The following TAS2R1 variants were observed in gnomAD, a reference collection of about 807,000 sequenced individuals.
TAS2R1 encodes the protein taste receptor type 2 member 1.
For synonymous variants in TAS2R1, 141 were observed against 134.2 expected, an observed-to-expected ratio of 1.05 and a Z score of -0.35; for missense variants, 370 against 353.4, an observed-to-expected ratio of 1.05 and a Z score of -0.38.
chr5:9,740,741 C>A, the TAS2R1 span, among the ~76,000 whole-genome samples: 1 of 152,198 alleles, frequency 6.6e-6, no homozygotes, highest in Non-Finnish European at 1.5e-5. Context: ...CCTGTCAAAA[C>A]CTTTGAGCAG....
chr5:9,705,318 A>G (rs1312116304), intron 1 of TAS2R1, among the ~76,000 whole-genome samples: 2 of 152,220 alleles, frequency 1.3e-5, no homozygotes, highest in Non-Finnish European at 1.5e-5. Flanking sequence ...TAATTTTTAT[A>G]CTATGCTCCT....
chr5:9,667,623 C>T (rs1464081712), intron 1 of TAS2R1, among the ~76,000 whole-genome samples: 1 of 152,128 alleles, frequency 6.6e-6, no homozygotes, highest in Admixed American at 6.6e-5. Flanking sequence ...GCAGAACACC[C>T]AACAAAAGAA....
the TAS2R1 span, among the ~76,000 whole-genome samples, chr5:9,744,626 G>C: frequency 2.4e-4 from 37 of 152,252 alleles, 1 homozygote; most frequent in Middle Eastern, 3.4e-3. Flanking sequence ...GATCTTTGAG[G>C]AAACAGAGTG....
chr5:9,684,003 A>ACCAGGTC (rs58011262), intron 1 of TAS2R1, among the ~76,000 whole-genome samples: 5,178 of 152,254 alleles, frequency 0.034, 87 homozygotes, highest in East Asian at 0.081. Flanking sequence ...ATAGGAGAAG[A>ACCAGGTC]CCAGGTCTGG....
chr5:9,680,254 T>C lies in TAS2R1; in HGVS notation c.-241-20673A>G, dbSNP rs76864894. 7.1e-3 allele frequency among the ~76,000 whole-genome samples: 1,083 copies of C among 152,266 alleles called. 10 individuals carry two copies. The highest frequency in any genetic ancestry group is 0.024 in the African/African-American group (1,012 of 41,558). On this transcript the variant is annotated intron_variant, in intron 1 of 2. Coordinates refer to the TAS2R1 transcript ENST00000506620. ...AGGCCGAAGAGGTGTAAATAAGTGA[T>C]TAGTAATTACATACATTTATAAATG...
chr5:9,732,806 G>T, the TAS2R1 span, among the ~76,000 whole-genome samples: 3 of 152,168 alleles, frequency 2.0e-5, no homozygotes, highest in Non-Finnish European at 4.4e-5. Context: ...TTTATTTTAA[G>T]GAAGTAGCTC....
At chr5:9,840,857 ATTTTTTTTTTTTTTTTTTTTTTTTT>A in the TAS2R1 span, among the ~76,000 whole-genome samples, 16 of 132,104 alleles carry the variant, frequency 1.2e-4, no homozygotes, top group East Asian at 1.5e-3. Context: ...TTATTTATTT[ATTTTTTTTTTTTTTTTTTTTTTTTT>A]TTTTTTTTTT....
At chr5:9,729,434 T>C in the TAS2R1 span, among the ~76,000 whole-genome samples, 1 of 152,200 alleles carries the variant, frequency 6.6e-6, no homozygotes, top group Non-Finnish European at 1.5e-5. Flanking sequence ...TTCTGCCTTA[T>C]GACCATATTT....
chr5:9,637,631 CTT>C (rs919418822), intron 2 of TAS2R1, among the ~76,000 whole-genome samples: 3 of 151,898 alleles, frequency 2.0e-5, no homozygotes, highest in African/African-American at 7.2e-5. Flanking sequence ...TTTTAAAATT[CTT>C]TTTTCTTTGC....
chr5:9,703,471 AC>A (rs1422187165), intron 1 of TAS2R1, among the ~76,000 whole-genome samples: 1 of 152,134 alleles, frequency 6.6e-6, no homozygotes, highest in Non-Finnish European at 1.5e-5. Flanking sequence ...TCATGAGGGC[AC>A]CCACTGGTGG....
the TAS2R1 span, among the ~76,000 whole-genome samples, chr5:9,889,011 ATT>A: frequency 1.3e-5 from 2 of 152,242 alleles, no homozygotes; most frequent in Non-Finnish European, 2.9e-5. Context: ...AGCATTTAAG[ATT>A]TGAGTTTGCA....
At chr5:9,710,912 G>C (rs1464573305) in intron 1 of TAS2R1, among the ~76,000 whole-genome samples, 2 of 141,826 alleles carry the variant, frequency 1.4e-5, no homozygotes, top group Non-Finnish European at 3.0e-5. Context: ...TATATAACCA[G>C]ATTATATATA....
the TAS2R1 span, among the ~76,000 whole-genome samples, chr5:9,726,369 G>A: frequency 6.6e-6 from 1 of 152,320 alleles, no homozygotes; most frequent in Non-Finnish European, 1.5e-5. Flanking sequence ...AGACCACTGG[G>A]CTCTACCAGT....
chr5:9,882,478 T>G, the TAS2R1 span, among the ~76,000 whole-genome samples: 1 of 151,960 alleles, frequency 6.6e-6, no homozygotes, highest in South Asian at 2.1e-4. Flanking sequence ...ATACAAAAAT[T>G]AGCTGGACAT....
chr5:9,677,333 A>C (rs540752987), intron 1 of TAS2R1, among the ~76,000 whole-genome samples: 3 of 152,244 alleles, frequency 2.0e-5, no homozygotes, highest in Admixed American at 6.5e-5. Flanking sequence ...GTGATGAAAT[A>C]ATCTGTACAA....
At chr5:9,803,264 GAAT>G in the TAS2R1 span, among the ~76,000 whole-genome samples, 30 of 152,270 alleles carry the variant, frequency 2.0e-4, no homozygotes, top group African/African-American at 7.0e-4. Context: ...TCAAACCTAA[GAAT>G]AATTGGTGTT....
At chr5:9,728,182 A>C in the TAS2R1 span, among the ~76,000 whole-genome samples, 1 of 152,192 alleles carries the variant, frequency 6.6e-6, no homozygotes. Context: ...ATGGGGTCTC[A>C]AAGTTGAGTT....
intron 1 of TAS2R1, among the ~76,000 whole-genome samples, chr5:9,692,259 T>C (rs1741261607): frequency 6.6e-6 from 1 of 152,154 alleles, no homozygotes. Flanking sequence ...ACTATATACA[T>C]AGGACTGCCT....
At chr5:9,701,613 ATCAATGATGATTAGAC>A (rs1267563930) in intron 1 of TAS2R1, among the ~76,000 whole-genome samples, 13 of 152,248 alleles carry the variant, frequency 8.5e-5, no homozygotes, top group African/African-American at 3.1e-4. Context: ...GCTAGAAATG[ATCAATGATGATTAGAC>A]AAATACTAAT....
Sources: gnomAD v4.1 joint callset for allele counts (sites outside exome capture counted in the v4.1 genomes callset) on GRCh38, gnomAD v4.1.1 for gene constraint, MANE v1.5 for transcripts, NCBI Gene and HGNC (gene_info 2026-07-23, HGNC 2026-07-21) for gene names.